P3H2: variants seen among roughly 807,000 people sequenced by gnomAD.
P3H2 encodes the protein prolyl 3-hydroxylase 2.
P3H2 carries 80 observed loss-of-function variants against 87.0 expected under a neutral mutation model. The observed-to-expected ratio is 0.92, with a 90% CI of 0.77 to 1.11. The LOEUF is 1.11. Ranked by LOEUF, P3H2 falls within the 50% of genes least tolerant of loss-of-function variation. The pLI is 0.00. For synonymous variants in P3H2, 367 were observed against 359.3 expected, an observed-to-expected ratio of 1.02 and a Z score of -0.24; for missense variants, 1,001 against 923.9, an observed-to-expected ratio of 1.08 and a Z score of -1.08.
chr3:190,028,120 ATGAT>A (rs1725140492), intron 1 of P3H2, among the ~76,000 whole-genome samples: 1 of 152,164 alleles, frequency 6.6e-6, no homozygotes, highest in South Asian at 2.1e-4. Context: ...TTCTAGAAGA[ATGAT>A]TGATAATTCT....
chr3:190,104,236 G>A (rs1214157004), intron 1 of P3H2, among the ~76,000 whole-genome samples: 1 of 152,108 alleles, frequency 6.6e-6, no homozygotes, highest in East Asian at 1.9e-4. Flanking sequence ...ATTAGGCATA[G>A]CAGAACAGAA....
chr3:189,963,988 C>A lies in P3H2; in HGVS notation c.2004G>T (p.Trp668Cys). 1 of 1,614,168 alleles carries A rather than the reference C, an allele frequency of 6.2e-7. No individual in the cohort carries two copies. The highest frequency in any genetic ancestry group is 8.5e-7 in the Non-Finnish European group (1 of 1,180,024). The change falls in exon 14 of 15, where the codon TGG becomes TGT. Residue 668 changes from tryptophan to cysteine, a missense_variant. Physicochemically the swap from Trp to Cys is radical, Grantham distance 215. Coordinates refer to ENST00000319332, the MANE Select transcript of P3H2 (RefSeq NM_018192.4). ...CTCTATAAAGTGGGTCCAAGGTGAA[C>A]CACAGAGCCACAGCACACCTCTTTC... ...TKGKRCAVAL[W>C]FTLDPLYREL...
Position 189,977,597 on chromosome 3 carries a change from A to G in P3H2, c.1325-2912T>C, listed in dbSNP as rs180969376. On this transcript the variant is annotated intron_variant, in intron 8 of 14. Transcript: ENST00000319332. The stretch of plus-strand genomic sequence containing the variant: ...ATTATGTTTTCACAGCAATAAAAAA[A>G]GTAGTCTTTAAAAAATTTATTTGAC... 1.5e-3 allele frequency among the ~76,000 whole-genome samples: 226 copies of G among 152,284 alleles called. 1 individual carries two copies. The highest frequency in any genetic ancestry group is 5.2e-3 in the African/African-American group (217 of 41,574).
intron 1 of P3H2, among the ~76,000 whole-genome samples, chr3:190,044,240 C>T (rs984887342): frequency 4.6e-5 from 7 of 152,286 alleles, no homozygotes; most frequent in Admixed American, 3.9e-4. Context: ...CAGGAGCACA[C>T]GTTGTTTCCC....
chr3:189,974,613 A>G lies in P3H2; in HGVS notation c.1397T>C (p.Leu466Pro), dbSNP rs146852112. The G allele has an allele frequency of 1.9e-6, 3 of 1,614,080 alleles. No individual in the cohort carries two copies. The highest frequency in any genetic ancestry group is 1.6e-4 in the Middle Eastern group (1 of 6,082). Residue 466 changes from leucine (L) to proline (P), a missense_variant, in exon 9 of 15, where the codon CTC becomes CCC. Coordinates refer to ENST00000319332, the MANE Select transcript of P3H2 (RefSeq NM_018192.4). ...TTCTTCCGACAGGACGTTATCCAGG[A>G]GAACCCGCTGAGTCCCGTTCAGCTG... ...SEQLNGTQRV[L>P]LDNVLSEEQC...
rs757093641 is a variant in P3H2, at chr3:189,989,008, T to C, written c.854A>G (p.His285Arg). Residue 285 changes from histidine (H) to arginine (R), a missense_variant, in exon 4 of 15, where the codon CAT becomes CGT. Transcript: ENST00000319332. ...GGTGGCAAGTTCCCTCACACATTCA[T>C]GCTGACAAACAAGCACCTGCATGTA... is the stretch of plus-strand genomic sequence containing the variant. ...DHYMQVLVCQ[H>R]ECVRELATRP... 6.2e-7 allele frequency: 1 copy of C among 1,614,088 alleles called. No individual in the cohort carries two copies. The highest frequency in any genetic ancestry group is 8.5e-7 in the Non-Finnish European group (1 of 1,180,016).
At chr3:190,063,472 G>A (rs989614534) in intron 1 of P3H2, among the ~76,000 whole-genome samples, 4 of 152,214 alleles carry the variant, frequency 2.6e-5, no homozygotes, top group East Asian at 1.9e-4. Flanking sequence ...ATCAGACACC[G>A]CTTGCTACCA....
intron 1 of P3H2, among the ~76,000 whole-genome samples, chr3:190,077,199 T>C (rs545431135): frequency 2.0e-5 from 3 of 152,332 alleles, no homozygotes; most frequent in Middle Eastern, 6.8e-3. Flanking sequence ...ATCCGACATG[T>C]TCTCATTCCT....
chr3:190,087,380 C>CAA (rs1264659262), intron 1 of P3H2, among the ~76,000 whole-genome samples: 231 of 145,034 alleles, frequency 1.6e-3, no homozygotes, highest in Non-Finnish European at 2.0e-3. Flanking sequence ...ACTAAAAATA[C>CAA]AAAAAAAAAA....
intron 1 of P3H2, among the ~76,000 whole-genome samples, chr3:190,086,260 C>T (rs1215739001): frequency 2.0e-5 from 3 of 152,186 alleles, no homozygotes; most frequent in Non-Finnish European, 2.9e-5. Flanking sequence ...CACTTGGAGT[C>T]TCTTAAGGGC....
Position 190,119,838 on chromosome 3 carries a change from AAG to A in P3H2, c.480+412_480+413del, listed in dbSNP as rs957085143. Among the ~76,000 whole-genome samples the A allele has an allele frequency of 8.9e-5, 10 of 111,820 alleles. 1 individual carries two copies. Among genetic ancestry groups the A allele is most frequent in the South Asian group, 5.2e-4 (2 of 3,816 alleles). The allele number at this position is 111,820 out of a possible 152,430, so 73.4% of individuals were successfully genotyped here. A position where few individuals can be genotyped will look rare whatever the true frequency, so the allele number is the denominator to read the frequency against. The stretch of plus-strand genomic sequence containing the variant: ...GTGCAGACTACAGTATAGGAAGGAT[AAG>A]AGAGAGGAGACAAAAGAAATGGGAA... On this transcript the variant is annotated intron_variant, in intron 1 of 14. Coordinates refer to ENST00000319332, the MANE Select transcript of P3H2 (RefSeq NM_018192.4).
chr3:190,019,353 T>G (rs1724863332), intron 1 of P3H2, among the ~76,000 whole-genome samples: 1 of 152,250 alleles, frequency 6.6e-6, no homozygotes, highest in South Asian at 2.1e-4. Context: ...TGTGAAAACT[T>G]CATATTCAGA....
At chr3:190,048,548 A>G (rs1464517275) in intron 1 of P3H2, among the ~76,000 whole-genome samples, 1 of 152,238 alleles carries the variant, frequency 6.6e-6, no homozygotes, top group Non-Finnish European at 1.5e-5. Flanking sequence ...ATTTTACTAG[A>G]TGATTTTTGT....
At chr3:190,010,289 T>C (rs1724545478) in intron 1 of P3H2, among the ~76,000 whole-genome samples, 2 of 152,212 alleles carry the variant, frequency 1.3e-5, no homozygotes, top group African/African-American at 4.8e-5. Flanking sequence ...TTATTAAACA[T>C]GTAATACACC....
intron 1 of P3H2, among the ~76,000 whole-genome samples, chr3:190,084,184 A>G (rs1380291502): frequency 6.6e-6 from 1 of 152,218 alleles, no homozygotes; most frequent in Non-Finnish European, 1.5e-5. Flanking sequence ...TATATTGCAT[A>G]TAGAGCAAGA....
Position 190,033,195 on chromosome 3 carries a change from G to A in P3H2, c.481-37753C>T, listed in dbSNP as rs1462852360. ...GTAATGCAGGCGGTGGAGAGCAGCT[G>A]TAAATACAGTCGCTTGCTCACCTGC... is the stretch of plus-strand genomic sequence containing the variant. On this transcript the variant is annotated intron_variant, in intron 1 of 14. Transcript: ENST00000319332. Among the ~76,000 whole-genome samples, 14 of 152,212 alleles carry A rather than the reference G, an allele frequency of 9.2e-5. 1 individual carries two copies.
At chr3:190,095,121 A>G (rs1173140064) in intron 1 of P3H2, among the ~76,000 whole-genome samples, 1 of 151,796 alleles carries the variant, frequency 6.6e-6, no homozygotes, top group African/African-American at 2.4e-5. Context: ...AGCTTATTTA[A>G]TTATTATAAC....
chr3:190,075,155 T>C (rs1269228798), intron 1 of P3H2, among the ~76,000 whole-genome samples: 1 of 152,132 alleles, frequency 6.6e-6, no homozygotes, highest in Non-Finnish European at 1.5e-5. Flanking sequence ...AAGAAAAGGC[T>C]AGGATATGAA....
In P3H2 at chr3:190,019,995, A is replaced by G. The variant is rs139042397; in HGVS notation, c.481-24553T>C. 3.8e-3 allele frequency among the ~76,000 whole-genome samples: 501 copies of G among 132,296 alleles called. 68 individuals are homozygous for G. Among genetic ancestry groups the G allele is most frequent in the African/African-American group, 0.012 (473 of 38,264 alleles). 86.8% of individuals were successfully genotyped at this position (132,296 alleles called of 152,430 possible). ...AAAATTTAACATACCTTACCCCATGAATACAATTCTGCGAGTAGTCATCAT... is the reference window on the plus strand; with the variant it reads ...AAAATTTAACATACCTTACCCCATGGATACAATTCTGCGAGTAGTCATCAT... On this transcript the variant is annotated intron_variant, in intron 1 of 14. Transcript: ENST00000319332.
Sources: gnomAD v4.1 joint callset for allele counts (sites outside exome capture counted in the v4.1 genomes callset) on GRCh38, gnomAD v4.1.1 for gene constraint, MANE v1.5 for transcripts, NCBI Gene and HGNC (gene_info 2026-07-23, HGNC 2026-07-21) for gene names.